SEPTIN9: variants seen among roughly 807,000 people sequenced by gnomAD.
The protein encoded by SEPTIN9 is septin 9.
A neutral mutation model predicts 56.6 loss-of-function variants in SEPTIN9; 13 were observed. That is an observed-to-expected ratio of 0.23 (90% CI 0.15 to 0.37). The LOEUF (loss-of-function observed/expected upper bound fraction) is 0.37, where lower values mean the gene tolerates loss of function less well. SEPTIN9 is among the 10% of genes least tolerant of loss of function. The probability of loss-of-function intolerance (pLI) is 1.00; values close to 1 mark genes in which losing one functional copy is unlikely to be tolerated. For missense variants in SEPTIN9, 650 were observed against 823.1 expected (o/e 0.79, Z 2.57); for synonymous variants, 332 against 334.1 (o/e 0.99, Z 0.07).
intron 2 of SEPTIN9, among the ~76,000 whole-genome samples, chr17:77,332,092 A>G (rs1467147339): frequency 6.6e-6 from 1 of 152,132 alleles, no homozygotes; most frequent in East Asian, 1.9e-4. Context: ...CCCGGGCAAT[A>G]TAGTGAGATC....
Position 77,329,318 on chromosome 17 carries a change from C to T in SEPTIN9, c.76+22121C>T, listed in dbSNP as rs1015789231. The stretch of plus-strand genomic sequence containing the variant: ...TCTCTTTGATTGCTGGATGGACCCA[C>T]CTGCCTGGCTGCCCCCGTCAGCATC... On this transcript the variant is annotated intron_variant, in intron 2 of 11. Transcript: ENST00000427177. The surrounding 1 kb of genome is among the most constrained non-coding windows in gnomAD (Gnocchi z 4.3). Among the ~76,000 whole-genome samples the T allele has an allele frequency of 1.3e-5, 2 of 152,200 alleles. No homozygotes were observed. The highest frequency in any genetic ancestry group is 2.1e-4 in the South Asian group (1 of 4,828).
intron 3 of SEPTIN9, among the ~76,000 whole-genome samples, chr17:77,480,760 T>C (rs2039423983): frequency 6.6e-6 from 1 of 152,174 alleles, no homozygotes; most frequent in South Asian, 2.1e-4. Flanking sequence ...GGGCCCTGCC[T>C]GGGAGCGTGC....
At position 77,281,545 on chromosome 17, in the gene SEPTIN9, T is replaced by A; in HGVS notation, c.10T>A (p.Ser4Thr). 1 of 1,549,674 alleles carries A rather than the reference T, an allele frequency of 6.5e-7. No individual in the cohort carries two copies. The change falls in exon 1 of 12, where the codon TCT becomes ACT. Residue 4 changes from serine to threonine, a missense_variant. Physicochemically the swap from Ser to Thr is moderately conservative, Grantham distance 58. This residue lies in a region of SEPTIN9 where 317 missense variants were observed against 329.1 expected (regional missense o/e 0.96). Transcript: ENST00000427177. Reference sequence around the variant, plus strand: ...CGGCCACGGAGGCACCATGAAGAAGTCTTACTCAGGTGGGCTTCGCGCCCG... The same window carrying A: ...CGGCCACGGAGGCACCATGAAGAAGACTTACTCAGGTGGGCTTCGCGCCCG... MKKSYSGGTRTSSG... is the reference protein window; with the variant it reads MKKTYSGGTRTSSG...
intron 3 of SEPTIN9, among the ~76,000 whole-genome samples, chr17:77,441,430 C>T (rs944066136): frequency 2.6e-5 from 4 of 152,370 alleles, no homozygotes; most frequent in Admixed American, 6.5e-5. Context: ...AGTCAGCCAG[C>T]GCCCCCATGC....
intron 2 of SEPTIN9, among the ~76,000 whole-genome samples, chr17:77,324,858 G>A (rs1299532354): frequency 7.8e-6 from 1 of 128,296 alleles, no homozygotes; most frequent in African/African-American, 3.0e-5. Flanking sequence ...TGACTCTGTT[G>A]CCCAGGCTGG....
intron 3 of SEPTIN9, among the ~76,000 whole-genome samples, chr17:77,468,844 T>C (rs1298492208): frequency 6.7e-6 from 1 of 150,114 alleles, no homozygotes; most frequent in Non-Finnish European, 1.5e-5. Context: ...TGGGTTAACA[T>C]TGATGAGAGT....
chr17:77,451,192 A>C lies in SEPTIN9; in HGVS notation c.722-30952A>C, dbSNP rs2144406194. The C allele has an allele frequency of 5.7e-6, 1 of 174,584 alleles. No individual in the cohort carries two copies. Among genetic ancestry groups the C allele is most frequent in the Admixed American group, 6.5e-5 (1 of 15,308 alleles). 10.8% of individuals were successfully genotyped at this position (174,584 alleles called of 1,614,324 possible). A position where few individuals can be genotyped will look rare whatever the true frequency, so the allele number is the denominator to read the frequency against. On this transcript the variant is annotated intron_variant, in intron 3 of 11. Transcript: ENST00000427177. This position sits in a 1 kb window ranked among gnomAD's most constrained non-coding sequence, Gnocchi z 4.2. ...CTAGCAGCTCCCCCTCACTCTTCCCAGGGACCCTGTCACTTTCCTTTAGCG... is the reference window on the plus strand; with the variant it reads ...CTAGCAGCTCCCCCTCACTCTTCCCCGGGACCCTGTCACTTTCCTTTAGCG...
At chr17:77,479,940 A>G (rs1598440033) in intron 3 of SEPTIN9, among the ~76,000 whole-genome samples, 1 of 152,186 alleles carries the variant, frequency 6.6e-6, no homozygotes, top group Non-Finnish European at 1.5e-5. Context: ...CCAAAGCCAC[A>G]TGGTCCATGG....
At chr17:77,383,464 C>T (rs102090) in intron 2 of SEPTIN9, among the ~76,000 whole-genome samples, 39,367 of 152,028 alleles carry the variant, frequency 0.26, 5,509 homozygotes, top group East Asian at 0.49. Flanking sequence ...GCACCTGCAT[C>T]CATCCATCAC....
intron 3 of SEPTIN9, among the ~76,000 whole-genome samples, chr17:77,412,129 CA>C (rs756030644): frequency 0.11 from 7,500 of 67,406 alleles, 219 homozygotes; most frequent in East Asian, 0.24. Context: ...GACTCCCTAT[CA>C]AAAAAAAAAA....
chr17:77,295,910 A>C lies in SEPTIN9; in HGVS notation c.20-11231A>C, dbSNP rs183325440. 4.7e-3 allele frequency among the ~76,000 whole-genome samples: 711 copies of C among 152,184 alleles called. 4 individuals are homozygous for C. The highest frequency in any genetic ancestry group is 0.016 in the African/African-American group (679 of 41,498). The stretch of plus-strand genomic sequence containing the variant: ...CATGGTTTCCCATTTGTTGTGGACC[A>C]AACTGTGCCCTTCCCCTTGAATTCC... On this transcript the variant is annotated intron_variant, in intron 1 of 11. Coordinates refer to ENST00000427177, the MANE Select transcript of SEPTIN9 (RefSeq NM_001113491.2).
chr17:77,289,077 T>C (rs2031411946), intron 1 of SEPTIN9, among the ~76,000 whole-genome samples: 2 of 152,134 alleles, frequency 1.3e-5, no homozygotes, highest in South Asian at 4.1e-4. Context: ...TGCCGCTTCT[T>C]TTTTTTGTTT....
intron 8 of SEPTIN9, among the ~76,000 whole-genome samples, chr17:77,491,539 G>A (rs971074246): frequency 6.6e-6 from 1 of 151,328 alleles, no homozygotes; most frequent in African/African-American, 2.4e-5. Context: ...TGGGCCAGGT[G>A]TGGTGGCTCA....
At position 77,327,860 on chromosome 17, in the gene SEPTIN9, G is replaced by C. The variant is rs1173739115; in HGVS notation, c.76+20663G>C. Among the ~76,000 whole-genome samples, 1 of 152,224 alleles carries C rather than the reference G, an allele frequency of 6.6e-6. No individual in the cohort carries two copies. The highest frequency in any genetic ancestry group is 1.5e-5 in the Non-Finnish European group (1 of 68,044). On this transcript the variant is annotated intron_variant, in intron 2 of 11. Transcript: ENST00000427177. The surrounding 1 kb of genome is among the most constrained non-coding windows in gnomAD (Gnocchi z 5.0). ...AAAGCTTGAAAATGCTCTTTGGACC[G>C]ATTTGCTGGAACAGACGGGTGTGAT... is the stretch of plus-strand genomic sequence containing the variant.
chr17:77,377,535 C>T (rs1272661331), intron 2 of SEPTIN9, among the ~76,000 whole-genome samples: 3 of 151,974 alleles, frequency 2.0e-5, no homozygotes, highest in African/African-American at 7.3e-5. Flanking sequence ...CCCACGTGCT[C>T]AGATCCCAGA....
At chr17:77,395,355 G>A (rs2035672023) in intron 2 of SEPTIN9, among the ~76,000 whole-genome samples, 1 of 151,962 alleles carries the variant, frequency 6.6e-6, no homozygotes, top group Admixed American at 6.6e-5. Flanking sequence ...GTGAAATCGT[G>A]TCTCTACTAA....
Position 77,492,929 on chromosome 17 carries a change from G to A in SEPTIN9, c.1477-51G>A, listed in dbSNP as rs1320464745. On this transcript the variant is annotated intron_variant, in intron 9 of 11. Transcript: ENST00000427177. This position sits in a 1 kb window ranked among gnomAD's most constrained non-coding sequence, Gnocchi z 5.4. ...AGCTCCTCCCGGGGGCCCAGGGGAG[G>A]GAATTGCCTTCCCGCACATGTGTAA... 7 of 1,511,160 alleles carry A rather than the reference G, an allele frequency of 4.6e-6. No individual in the cohort carries two copies. The African/African-American group carries it at 9.7e-5, about 21-fold the overall frequency. 93.6% of individuals were successfully genotyped at this position (1,511,160 alleles called of 1,614,324 possible).
At chr17:77,486,529 C>CTGTGTGTGT (rs1568114414) in intron 4 of SEPTIN9, among the ~76,000 whole-genome samples, 7 of 119,662 alleles carry the variant, frequency 5.8e-5, no homozygotes, top group Admixed American at 2.4e-4. Flanking sequence ...TGTGCGCGCA[C>CTGTGTGTGT]GCGCGCGCGT....
At chr17:77,469,996 TATGCA>T (rs2038913787) in intron 3 of SEPTIN9, among the ~76,000 whole-genome samples, 1 of 113,000 alleles carries the variant, frequency 8.8e-6, no homozygotes, top group Admixed American at 8.7e-5. Flanking sequence ...CCCATCTATC[TATGCA>T]CTCATCCACC....
Sources: gnomAD v4.1 joint callset for allele counts (sites outside exome capture counted in the v4.1 genomes callset) on GRCh38, gnomAD v4.1.1 for gene constraint, gnomAD v4.1.1 regional missense constraint, Gnocchi (gnomAD v3.1) non-coding constraint, MANE v1.5 for transcripts, NCBI Gene and HGNC (gene_info 2026-07-23, HGNC 2026-07-21) for gene names.